AIMP2: variants seen among roughly 807,000 people sequenced by gnomAD.
AIMP2 encodes the protein aminoacyl tRNA synthase complex-interacting multifunctional protein 2.
A neutral mutation model predicts 23.4 loss-of-function variants in AIMP2; 20 were observed. The ratio of observed to expected loss-of-function variants is 0.85; its 90% CI spans 0.60 to 1.24. AIMP2 has a LOEUF of 1.24. AIMP2 is among the 50% of genes most tolerant of loss of function. The probability of loss-of-function intolerance (pLI) is 0.00; values close to 1 mark genes in which losing one functional copy is unlikely to be tolerated. For synonymous variants in AIMP2, 210 were observed against 170.4 expected (o/e 1.23, Z -1.81); for missense variants, 515 against 414.5 (o/e 1.24, Z -2.10).
chr7:6,013,702 A>T (rs1786842869), intron 1 of AIMP2, among the ~76,000 whole-genome samples: 1 of 152,194 alleles, frequency 6.6e-6, no homozygotes. Context: ...TCTTCCCAGC[A>T]CTTTGGGACC....
chr7:6,009,528 G>A (rs757341868), intron 1 of AIMP2, 30 bp downstream of exon 1: 2 of 1,413,798 alleles, frequency 1.4e-6, no homozygotes, highest in African/African-American at 3.0e-5. Context: ...CGCCCAGTGC[G>A]CACGCGCGGC....
intron 1 of AIMP2, among the ~76,000 whole-genome samples, chr7:6,009,989 A>ATATG (rs1554311007): frequency 5.5e-5 from 6 of 108,412 alleles, no homozygotes; most frequent in Non-Finnish European, 7.6e-5. Flanking sequence ...ATATATATAT[A>ATATG]TATGTATGTA....
At chr7:6,015,063 G>T (rs1786935109) in intron 1 of AIMP2, 83 bp from the exon 2 acceptor site, 1 of 1,600,384 alleles carries the variant, frequency 6.2e-7, no homozygotes, top group African/African-American at 1.3e-5. Flanking sequence ...GTGAGTGCAT[G>T]GCAAAGTAAG....
chr7:6,009,949 CAAAAAA>C (rs1156596688), intron 1 of AIMP2, among the ~76,000 whole-genome samples: 8 of 22,476 alleles, frequency 3.6e-4, no homozygotes, highest in Admixed American at 1.3e-3. Context: ...AACTCTATCT[CAAAAAA>C]AAAAAAAAAA....
chr7:6,019,065 C>G (rs1004344116), intron 3 of AIMP2, among the ~76,000 whole-genome samples: 1 of 151,814 alleles, frequency 6.6e-6, no homozygotes, highest in African/African-American at 2.4e-5. Flanking sequence ...AACTGCGTAA[C>G]ATTAATTGTG....
chr7:6,020,634 A>G (rs968018730), intron 3 of AIMP2, among the ~76,000 whole-genome samples: 1 of 152,216 alleles, frequency 6.6e-6, no homozygotes, highest in Non-Finnish European at 1.5e-5. Context: ...AAATGTCAAG[A>G]TAACAGGAGA....
chr7:6,012,717 G>A lies in AIMP2; in HGVS notation c.136-2429G>A, dbSNP rs573153232. 157 of 600,812 alleles carry A rather than the reference G, an allele frequency of 2.6e-4. 6 individuals carry two copies. The highest frequency in any genetic ancestry group is 2.1e-3 in the South Asian group (119 of 55,548). 37.2% of individuals were successfully genotyped at this position (600,812 alleles called of 1,614,324 possible). A position where few individuals can be genotyped will look rare whatever the true frequency, so the allele number is the denominator to read the frequency against. On this transcript the variant is annotated intron_variant, in intron 1 of 3. Coordinates refer to ENST00000223029, the MANE Select transcript of AIMP2 (RefSeq NM_006303.4). ...TGGGATTACAGGTGCCCCCCACCAA[G>A]CCCAGCTAATTTTTGTGTTTCAGTA...
chr7:6,020,870 G>T (rs1463298116), intron 3 of AIMP2, among the ~76,000 whole-genome samples: 1 of 152,184 alleles, frequency 6.6e-6, no homozygotes, highest in Non-Finnish European at 1.5e-5. Context: ...TTTTGTGCAG[G>T]TGCAGCTGTG....
At position 6,009,290 on chromosome 7, in the gene AIMP2, C is replaced by G. The variant is rs1490385831; in HGVS notation, c.-74C>G. 1.9e-6 allele frequency: 3 copies of G among 1,608,740 alleles called. No individual in the cohort carries two copies. Among genetic ancestry groups the G allele is most frequent in the Non-Finnish European group, 2.5e-6 (3 of 1,178,250 alleles). ...CAGGGTCAGAAGGGAGGTGGCCGGT[C>G]TCCGTCGTGACCTCTGACGGTTTCT... On this transcript the variant is annotated 5_prime_UTR_variant, in exon 1 of 4. Coordinates refer to ENST00000223029, the MANE Select transcript of AIMP2 (RefSeq NM_006303.4).
intron 2 of AIMP2, among the ~76,000 whole-genome samples, chr7:6,017,265 C>G (rs1384331876): frequency 6.6e-6 from 1 of 151,892 alleles, no homozygotes; most frequent in African/African-American, 2.4e-5. Flanking sequence ...TCTGTAATCC[C>G]AGCATTTTGG....
At chr7:6,020,251 T>A (rs898710744) in intron 3 of AIMP2, among the ~76,000 whole-genome samples, 2 of 151,794 alleles carry the variant, frequency 1.3e-5, no homozygotes, top group African/African-American at 2.4e-5. Flanking sequence ...CGAAACCCCA[T>A]CTCTATTAAA....
intron 1 of AIMP2, chr7:6,012,973 G>C (rs1786784878): frequency 1.0e-6 from 1 of 986,424 alleles, no homozygotes; most frequent in South Asian, 4.6e-5. Flanking sequence ...AGAAAGTGCT[G>C]ATTAAGCCCG....
chr7:6,017,334 G>T (rs983589378), intron 2 of AIMP2, among the ~76,000 whole-genome samples: 2 of 151,666 alleles, frequency 1.3e-5, no homozygotes, highest in African/African-American at 2.4e-5. Flanking sequence ...TGGGCAACAT[G>T]GCAAAACCCC....
chr7:6,015,308 A>T lies in AIMP2; in HGVS notation c.298A>T (p.Thr100Ser). ...CATAATCCAAGCGGATGAGCCCACG[A>T]CTTTAACCACCAATGCGCTGGACTT... ...TNIIQADEPTTLTTNALDLNS... is the reference protein window; with the variant it reads ...TNIIQADEPTSLTTNALDLNS... Residue 100 changes from threonine (T) to serine (S), a missense_variant, in exon 2 of 4, where the codon ACT (threonine) becomes TCT (serine). By Grantham distance (58) the Thr-to-Ser change is moderately conservative. Coordinates refer to ENST00000223029, the MANE Select transcript of AIMP2 (RefSeq NM_006303.4). 6.2e-7 allele frequency: 1 copy of T among 1,614,230 alleles called. No homozygotes were observed. Among genetic ancestry groups the T allele is most frequent in the African/African-American group, 1.3e-5 (1 of 75,068 alleles).
intron 3 of AIMP2, among the ~76,000 whole-genome samples, chr7:6,021,364 A>T (rs1174499534): frequency 6.7e-6 from 1 of 149,438 alleles, no homozygotes; most frequent in African/African-American, 2.4e-5. Flanking sequence ...AAAAAAGAGA[A>T]CCCTGATTAG....
chr7:6,009,469 G>A lies in AIMP2; in HGVS notation c.106G>A (p.Gly36Ser), dbSNP rs756846471. Residue 36 changes from glycine to serine, a missense_variant, in exon 1 of 4, where the codon GGC becomes AGC. Gly to Ser is a moderately conservative substitution (Grantham distance 56). Coordinates refer to ENST00000223029, the MANE Select transcript of AIMP2 (RefSeq NM_006303.4). ...RLPNVHGRSY[G>S]PAPGAGHVQE... ...CCCCAACGTGCACGGCAGGAGCTAC[G>A]GCCCAGCGCCGGGCGCTGGCCACGT... The A allele has an allele frequency of 6.3e-7, 1 of 1,591,110 alleles. No homozygotes were observed. Among genetic ancestry groups the A allele is most frequent in the Non-Finnish European group, 8.5e-7 (1 of 1,172,072 alleles).
intron 1 of AIMP2, 37 bp downstream of exon 1, chr7:6,009,535 C>T (rs781296507): frequency 4.3e-6 from 6 of 1,394,452 alleles, no homozygotes; most frequent in Non-Finnish European, 5.6e-6. Flanking sequence ...TGCGCACGCG[C>T]GGCGACCGGC....
At position 6,015,134 on chromosome 7, in the gene AIMP2, T is replaced by C; in HGVS notation, c.136-12T>C. On this transcript the variant is annotated splice_polypyrimidine_tract_variant and intron_variant, in intron 1 of 3. Transcript: ENST00000223029. ...GGAGAGGAAATGAACATTTGGCTGT[T>C]GGTTTGTTTAGGAAGAGTCTAACCT... is the stretch of plus-strand genomic sequence containing the variant. 1.2e-6 allele frequency: 2 copies of C among 1,613,984 alleles called. No individual in the cohort carries two copies. The highest frequency in any genetic ancestry group is 1.7e-6 in the Non-Finnish European group (2 of 1,179,928).
At chr7:6,016,076 G>A (rs180969766) in intron 2 of AIMP2, among the ~76,000 whole-genome samples, 156 of 152,282 alleles carry the variant, frequency 1.0e-3, no homozygotes, top group Admixed American at 2.8e-3. Flanking sequence ...TTTCAGAACT[G>A]TGACTGCCCA....
Sources: gnomAD v4.1 joint callset for allele counts (sites outside exome capture counted in the v4.1 genomes callset) on GRCh38, gnomAD v4.1.1 for gene constraint, MANE v1.5 for transcripts, NCBI Gene and HGNC (gene_info 2026-07-23, HGNC 2026-07-21) for gene names.